Variants in JAKMIP3 observed in about 807,000 individuals in gnomAD.
JAKMIP3 encodes the protein janus kinase and microtubule-interacting protein 3.
A neutral mutation model predicts 118.5 loss-of-function variants in JAKMIP3; 58 were observed. The observed-to-expected ratio is 0.49, with a 90% confidence interval of 0.40 to 0.61. The LOEUF (loss-of-function observed/expected upper bound fraction) is 0.61. Ranked by LOEUF, JAKMIP3 falls within the 20% of genes least tolerant of loss-of-function variation. JAKMIP3 has a pLI of 0.00. For missense variants in JAKMIP3, 950 were observed against 1,109.0 expected (o/e 0.86, Z 2.04); for synonymous variants, 486 against 451.2 (o/e 1.08, Z -0.98).
chr10:132,088,401 T>G (rs1400983058), intron 1 of JAKMIP3, among the ~76,000 whole-genome samples: 1 of 152,258 alleles, frequency 6.6e-6, no homozygotes, highest in East Asian at 1.9e-4. Flanking sequence ...ATTGCCATTC[T>G]AACTGGTGTG....
intron 23 of JAKMIP3, among the ~76,000 whole-genome samples, chr10:132,177,962 A>G (rs1873507): frequency 0.84 from 123,649 of 148,032 alleles, 50,735 homozygotes; most frequent in East Asian, 0.96. Context: ...GTGTGCGTGT[A>G]TGTGTGCACC....
intron 1 of JAKMIP3, among the ~76,000 whole-genome samples, chr10:132,078,135 T>C (rs1178797597): frequency 6.6e-6 from 1 of 152,222 alleles, no homozygotes; most frequent in African/African-American, 2.4e-5. Flanking sequence ...AAAAGACTTT[T>C]GTTACCTTGT....
chr10:132,054,705 G>T (rs375701082), intron 1 of JAKMIP3, among the ~76,000 whole-genome samples: 1 of 152,236 alleles, frequency 6.6e-6, no homozygotes, highest in Non-Finnish European at 1.5e-5. Flanking sequence ...TAAGACTAAG[G>T]TGTGGTCAGT....
chr10:132,039,198 C>G (rs2037631783), intron 1 of JAKMIP3, among the ~76,000 whole-genome samples: 3 of 152,146 alleles, frequency 2.0e-5, no homozygotes, highest in Non-Finnish European at 4.4e-5. Flanking sequence ...ATTGCCCAAG[C>G]TGGTCTTGAA....
At chr10:132,136,387 G>A (rs551130073) in intron 6 of JAKMIP3, among the ~76,000 whole-genome samples, 4 of 152,332 alleles carry the variant, frequency 2.6e-5, no homozygotes, top group Admixed American at 2.0e-4. Context: ...AATCCCGGGC[G>A]AGGGTAGTAA....
intron 1 of JAKMIP3, among the ~76,000 whole-genome samples, chr10:132,076,107 A>G (rs2040742160): frequency 6.6e-6 from 1 of 152,234 alleles, no homozygotes. Flanking sequence ...CCACAAATTC[A>G]GAACATTTCC....
intron 1 of JAKMIP3, among the ~76,000 whole-genome samples, chr10:132,101,227 A>G (rs532549452): frequency 6.6e-6 from 1 of 152,244 alleles, no homozygotes; most frequent in East Asian, 1.9e-4. Flanking sequence ...CCTCCTCCAA[A>G]GTGGAAATCC....
At chr10:132,058,774 C>T (rs918961260) in intron 1 of JAKMIP3, among the ~76,000 whole-genome samples, 2 of 152,196 alleles carry the variant, frequency 1.3e-5, no homozygotes, top group African/African-American at 2.4e-5. Context: ...ACGAGGGAGT[C>T]ATATGTCTGG....
intron 1 of JAKMIP3, among the ~76,000 whole-genome samples, chr10:132,081,771 G>A (rs4880323): frequency 0.24 from 36,348 of 151,684 alleles, 4,665 homozygotes; most frequent in East Asian, 0.41. Context: ...GGAGTCTTGG[G>A]GGGAGACGTG....
At chr10:132,041,466 C>G (rs79111886) in intron 1 of JAKMIP3, among the ~76,000 whole-genome samples, 1 of 152,338 alleles carries the variant, frequency 6.6e-6, no homozygotes, top group South Asian at 2.1e-4. Flanking sequence ...GCTGCTGCCC[C>G]GGACGGGCAC....
At chr10:132,059,354 C>G (rs561110940) in intron 1 of JAKMIP3, among the ~76,000 whole-genome samples, 1 of 152,370 alleles carries the variant, frequency 6.6e-6, no homozygotes, top group African/African-American at 2.4e-5. Flanking sequence ...TGAAGCCTTT[C>G]ATATGAGCCA....
intron 21 of JAKMIP3, among the ~76,000 whole-genome samples, chr10:132,166,745 A>G (rs1419604371): frequency 6.6e-6 from 1 of 151,856 alleles, no homozygotes; most frequent in African/African-American, 2.4e-5. Context: ...AGCGCCCACC[A>G]CCCGCATCTG....
At position 132,044,206 on chromosome 10, in the gene JAKMIP3, C is replaced by T. The variant is rs1407321288; in HGVS notation, c.-138+7468C>T. The stretch of plus-strand genomic sequence containing the variant: ...AGGGCCGCCCTTCCAGGTGGCTCGC[C>T]ACAGCTCCTGCTCCAGTGCCCTTAG... On this transcript the variant is annotated intron_variant, in intron 1 of 23. Coordinates refer to the JAKMIP3 transcript ENST00000657785. The surrounding 1 kb of genome is among the most constrained non-coding windows in gnomAD (Gnocchi z 5.3). Among the ~76,000 whole-genome samples the T allele has an allele frequency of 6.6e-6, 1 of 152,204 alleles. No individual in the cohort carries two copies. The highest frequency in any genetic ancestry group is 1.5e-5 in the Non-Finnish European group (1 of 68,036).
intron 1 of JAKMIP3, among the ~76,000 whole-genome samples, chr10:132,053,461 G>A (rs2038151445): frequency 6.6e-6 from 1 of 152,224 alleles, no homozygotes; most frequent in Non-Finnish European, 1.5e-5. Context: ...ATGGAACACA[G>A]GTGCAGGCTG....
Position 132,168,251 on chromosome 10 carries a change from G to A in JAKMIP3, c.*321G>A, listed in dbSNP as rs1416321218. The A allele has an allele frequency of 7.8e-7, 1 of 1,289,402 alleles. No homozygotes were observed. Among genetic ancestry groups the A allele is most frequent in the Non-Finnish European group, 1.0e-6 (1 of 988,782 alleles). 79.9% of individuals were successfully genotyped at this position (1,289,402 alleles called of 1,614,324 possible). On this transcript the variant is annotated 3_prime_UTR_variant, in exon 23 of 24. Coordinates refer to ENST00000684848, the MANE Select transcript of JAKMIP3 (RefSeq NM_001323087.2). ...GCCCCCATCCCATTTCCAGGGATGTGTAGCATTCCCTGCCAAGCAGGGGTG... is the reference window on the plus strand; with the variant it reads ...GCCCCCATCCCATTTCCAGGGATGTATAGCATTCCCTGCCAAGCAGGGGTG...
At chr10:132,135,205 C>A (rs1227599678) in intron 5 of JAKMIP3, 45 bp downstream of exon 5, 7 of 1,558,798 alleles carry the variant, frequency 4.5e-6, no homozygotes, top group Admixed American at 1.8e-5. Context: ...TTTGTGACTG[C>A]GGAGCTGGGG....
intron 1 of JAKMIP3, among the ~76,000 whole-genome samples, chr10:132,103,615 C>T (rs1365056476): frequency 1.3e-5 from 2 of 152,070 alleles, no homozygotes; most frequent in South Asian, 2.1e-4. Context: ...TCTTCTTAGA[C>T]AATGAGCAGC....
chr10:132,074,176 T>C (rs1367449425), intron 1 of JAKMIP3, among the ~76,000 whole-genome samples: 1 of 152,190 alleles, frequency 6.6e-6, no homozygotes, highest in African/African-American at 2.4e-5. Flanking sequence ...CTCAGACTCC[T>C]GAATAGCTAG....
chr10:132,038,251 G>A (rs1447353861), intron 1 of JAKMIP3, among the ~76,000 whole-genome samples: 3 of 152,104 alleles, frequency 2.0e-5, no homozygotes, highest in East Asian at 1.9e-4. Flanking sequence ...GGTGGGTTCC[G>A]TTCAGGTGGG....
Sources: allele counts gnomAD v4.1 joint callset (sites outside exome capture counted in the v4.1 genomes callset), GRCh38; gene constraint gnomAD v4.1.1; non-coding constraint Gnocchi (gnomAD v3.1); transcripts MANE v1.5; gene names NCBI Gene and HGNC (gene_info 2026-07-23, HGNC 2026-07-21).